GRID2: variants seen among roughly 807,000 people sequenced by gnomAD.
GRID2 encodes the protein glutamate ionotropic receptor delta type subunit 2.
Under a neutral mutation model 114.8 loss-of-function variants are expected in GRID2, and 33 were observed. The observed-to-expected ratio is 0.29, with a 90% CI of 0.22 to 0.38. GRID2 has a LOEUF of 0.38. Among genes scored for constraint, GRID2 ranks in the 10% least tolerant of loss-of-function variants. GRID2 has a pLI of 1.00. For missense variants in GRID2, 1,184 were observed against 1,257.7 expected, an observed-to-expected ratio of 0.94 and a Z score of 0.89; for synonymous variants, 505 against 449.9, an observed-to-expected ratio of 1.12 and a Z score of -1.55.
Position 93,354,341 on chromosome 4 carries a change from A to G in GRID2, c.1246-41266A>G, listed in dbSNP as rs577601966. Among the ~76,000 whole-genome samples, 3 of 152,134 alleles carry G rather than the reference A, an allele frequency of 2.0e-5. No homozygotes were observed. The South Asian group carries it at 6.2e-4, about 32-fold the overall frequency. On this transcript the variant is annotated intron_variant, in intron 8 of 15. Coordinates refer to ENST00000282020, the MANE Select transcript of GRID2 (RefSeq NM_001510.4). Reference sequence around the variant, plus strand: ...TTGAATAATCTTATGCTGTTTAGACATTAAACTGACTAATTATTGAGAAAT... The same window carrying G: ...TTGAATAATCTTATGCTGTTTAGACGTTAAACTGACTAATTATTGAGAAAT...
At chr4:93,212,880 G>T (rs1579308306) in intron 5 of GRID2, among the ~76,000 whole-genome samples, 1 of 150,988 alleles carries the variant, frequency 6.6e-6, no homozygotes, top group Admixed American at 6.6e-5. Flanking sequence ...TCAAGCGATT[G>T]TCCTGCCTCA....
At chr4:92,698,446 C>A (rs956222808) in intron 2 of GRID2, among the ~76,000 whole-genome samples, 9 of 151,670 alleles carry the variant, frequency 5.9e-5, no homozygotes, top group Non-Finnish European at 1.2e-4. Flanking sequence ...CTATTAATAA[C>A]CCACTAGAAA....
intron 2 of GRID2, among the ~76,000 whole-genome samples, chr4:92,858,564 T>A (rs1357767726): frequency 6.6e-6 from 1 of 152,166 alleles, no homozygotes; most frequent in Non-Finnish European, 1.5e-5. Flanking sequence ...GTTTGTTTTT[T>A]TTCTTTCTTT....
intron 14 of GRID2, among the ~76,000 whole-genome samples, chr4:93,665,808 C>T (rs757374313): frequency 1.3e-5 from 2 of 152,114 alleles, no homozygotes; most frequent in African/African-American, 4.8e-5. Flanking sequence ...TGTTCCTGAA[C>T]AGAAAAACCC....
At chr4:92,844,830 G>A (rs1211786693) in intron 2 of GRID2, among the ~76,000 whole-genome samples, 8 of 151,986 alleles carry the variant, frequency 5.3e-5, no homozygotes, top group Non-Finnish European at 7.4e-5. Context: ...GTCACATAGC[G>A]TAGTATTAAA....
At chr4:93,086,431 G>A (rs1259600658) in intron 3 of GRID2, among the ~76,000 whole-genome samples, 2 of 152,166 alleles carry the variant, frequency 1.3e-5, no homozygotes, top group Non-Finnish European at 2.9e-5. Flanking sequence ...CAAGTTGGCA[G>A]AAATCTAGGA....
chr4:93,778,625 G>A (rs1006897249), downstream of GRID2, among the ~76,000 whole-genome samples: 14 of 151,986 alleles, frequency 9.2e-5, no homozygotes, highest in East Asian at 1.2e-3. Context: ...CTTGAACCCC[G>A]GACCTCACAT....
intron 2 of GRID2, among the ~76,000 whole-genome samples, chr4:92,591,389 C>G (rs1728700642): frequency 6.6e-6 from 1 of 152,122 alleles, no homozygotes; most frequent in Non-Finnish European, 1.5e-5. Flanking sequence ...ATGTAGCAGC[C>G]TAAACTAAGA....
At chr4:92,732,001 A>G (rs1029483048) in intron 2 of GRID2, among the ~76,000 whole-genome samples, 1 of 151,922 alleles carries the variant, frequency 6.6e-6, no homozygotes, top group African/African-American at 2.4e-5. Flanking sequence ...TAGTCTTATC[A>G]CTGTTAATAA....
chr4:92,416,976 T>G (rs1003737071), intron 1 of GRID2, among the ~76,000 whole-genome samples: 1 of 152,108 alleles, frequency 6.6e-6, no homozygotes, highest in Non-Finnish European at 1.5e-5. Flanking sequence ...ACATTGAATT[T>G]GTAGTTTCCT....
chr4:93,056,282 G>A (rs1313188832), intron 2 of GRID2, among the ~76,000 whole-genome samples: 2 of 151,926 alleles, frequency 1.3e-5, no homozygotes, highest in Admixed American at 1.3e-4. Context: ...CAGCTTAGAG[G>A]TAGCTGACCA....
intron 1 of GRID2, among the ~76,000 whole-genome samples, chr4:92,452,310 T>G (rs528304269): frequency 4.3e-4 from 65 of 152,060 alleles, no homozygotes; most frequent in African/African-American, 1.5e-3. Context: ...CAAGGGTAAA[T>G]CTGTTTAGAT....
chr4:93,769,784 A>G (rs1733967470), intron 15 of GRID2, among the ~76,000 whole-genome samples: 1 of 152,172 alleles, frequency 6.6e-6, no homozygotes, highest in Admixed American at 6.5e-5. Flanking sequence ...TCACAGAGAT[A>G]CTTACCATTT....
intron 9 of GRID2, among the ~76,000 whole-genome samples, chr4:93,419,074 C>CTTTTTTTTTTTTTTTTTTTTTTTTTCTTT (rs58832079): frequency 4.6e-5 from 5 of 109,526 alleles, no homozygotes; most frequent in African/African-American, 2.1e-4. Flanking sequence ...CATGATTTTC[C>CTTTTTTTTTTTTTTTTTTTTTTTTTCTTT]TTTTTTTTTT....
At chr4:92,447,121 A>G (rs944929361) in intron 1 of GRID2, among the ~76,000 whole-genome samples, 3 of 152,222 alleles carry the variant, frequency 2.0e-5, no homozygotes, top group Admixed American at 6.5e-5. Flanking sequence ...CATAAATAAG[A>G]TTGCAGATAG....
intron 1 of GRID2, among the ~76,000 whole-genome samples, chr4:92,563,807 T>A (rs1408982252): frequency 6.6e-6 from 1 of 152,108 alleles, no homozygotes. Context: ...ACCTACTCAG[T>A]TACCTTTACT....
chr4:92,695,599 A>G (rs960776394), intron 2 of GRID2, among the ~76,000 whole-genome samples: 2 of 152,194 alleles, frequency 1.3e-5, no homozygotes, highest in South Asian at 4.1e-4. Context: ...AATAAAAGAT[A>G]AAGTAGCATC....
intron 4 of GRID2, among the ~76,000 whole-genome samples, chr4:93,168,145 G>A (rs1005945828): frequency 6.6e-6 from 1 of 151,798 alleles, no homozygotes; most frequent in East Asian, 1.9e-4. Flanking sequence ...GCGGTGAGCC[G>A]TGATTGAGAT....
chr4:93,321,551 T>C (rs961114049), intron 8 of GRID2, among the ~76,000 whole-genome samples: 1 of 152,134 alleles, frequency 6.6e-6, no homozygotes, highest in African/African-American at 2.4e-5. Flanking sequence ...AATACACGAT[T>C]TCATGATTTC....
Sources: allele counts gnomAD v4.1 joint callset (sites outside exome capture counted in the v4.1 genomes callset), GRCh38; gene constraint gnomAD v4.1.1; transcripts MANE v1.5; gene names NCBI Gene and HGNC (gene_info 2026-07-23, HGNC 2026-07-21).